Variants in VCAN observed in about 807,000 individuals in gnomAD.
VCAN encodes the protein versican core protein.
In VCAN, 44 loss-of-function variants were observed where a neutral mutation model predicts 245.5. The observed-to-expected ratio is 0.18, with a 90% CI of 0.14 to 0.23. The LOEUF (loss-of-function observed/expected upper bound fraction) is 0.23. VCAN is among the 10% of genes least tolerant of loss of function. The probability of loss-of-function intolerance (pLI) is 1.00; values close to 1 mark genes in which losing one functional copy is unlikely to be tolerated. For missense variants in VCAN, 3,793 were observed against 4,057.9 expected, an observed-to-expected ratio of 0.93 and a Z score of 1.77; for synonymous variants, 1,413 against 1,437.0, an observed-to-expected ratio of 0.98 and a Z score of 0.38.
rs192768983 is a variant in VCAN at position 83,543,675 on chromosome 5, A to T, written c.9265+1407A>T. 2.2e-4 allele frequency among the ~76,000 whole-genome samples: 33 copies of T among 152,334 alleles called. No homozygotes were observed. In the East Asian group the frequency reaches 5.2e-3, roughly 24 times the overall value. ...TTAGTTTAATATACTTCAGTTTGTT[A>T]AAAATATGATGTAAAAATAACTGGT... On this transcript the variant is annotated intron_variant, in intron 8 of 14. Coordinates refer to ENST00000265077, the MANE Select transcript of VCAN (RefSeq NM_004385.5).
chr5:83,563,473 G>A (rs1418552083), intron 12 of VCAN, among the ~76,000 whole-genome samples: 2 of 152,166 alleles, frequency 1.3e-5, no homozygotes, highest in African/African-American at 4.8e-5. Flanking sequence ...AGTCCTCATA[G>A]CCTCTTTTCA....
At chr5:83,516,876 C>A (rs1029791374) in intron 6 of VCAN, among the ~76,000 whole-genome samples, 16 of 152,218 alleles carry the variant, frequency 1.1e-4, no homozygotes, top group African/African-American at 3.9e-4. Context: ...GGCACAAATC[C>A]TCAGATACAC....
intron 10 of VCAN, among the ~76,000 whole-genome samples, chr5:83,548,925 G>A (rs998312598): frequency 6.6e-6 from 1 of 152,198 alleles, no homozygotes; most frequent in Admixed American, 6.5e-5. Context: ...TGCGATGAAT[G>A]CAAATCCAAA....
intron 12 of VCAN, 109 bp from the exon 13 acceptor site, chr5:83,572,307 C>T: frequency 7.4e-7 from 1 of 1,347,966 alleles, no homozygotes; most frequent in South Asian, 1.2e-5. Flanking sequence ...CTATATGAAA[C>T]AACAGAAATT....
chr5:83,479,057 C>T (rs1025164964), intron 1 of VCAN, among the ~76,000 whole-genome samples: 4 of 152,138 alleles, frequency 2.6e-5, no homozygotes, highest in Non-Finnish European at 5.9e-5. Context: ...GATGCTATTA[C>T]TTGTATGAAG....
chr5:83,505,591 G>GT (rs770325037), intron 5 of VCAN, among the ~76,000 whole-genome samples: 1 of 152,176 alleles, frequency 6.6e-6, no homozygotes, highest in Non-Finnish European at 1.5e-5. Context: ...TCATGGGCTA[G>GT]TATTGAGTGT....
chr5:83,532,994 A>G (rs938259071), intron 7 of VCAN, among the ~76,000 whole-genome samples: 1 of 152,158 alleles, frequency 6.6e-6, no homozygotes, highest in African/African-American at 2.4e-5. Context: ...AAAAGATGGT[A>G]TATATGTTAA....
chr5:83,533,765 C>G (rs548662758), intron 7 of VCAN, among the ~76,000 whole-genome samples: 2 of 152,156 alleles, frequency 1.3e-5, no homozygotes, highest in East Asian at 3.9e-4. Context: ...GTGAGAAATT[C>G]TGATATGATA....
In VCAN at chr5:83,538,950, A is replaced by T. The variant is rs145891745; in HGVS notation, c.5947A>T (p.Ile1983Leu). 6.1e-5 allele frequency: 98 copies of T among 1,614,058 alleles called. No individual in the cohort carries two copies. The African/African-American group carries it at 1.3e-3, about 21-fold the overall frequency. The change falls in exon 8 of 15, where the codon ATA becomes TTA. Residue 1983 changes from isoleucine (I) to leucine (L), a missense_variant. This residue lies in a region of VCAN where 3,182 missense variants were observed against 3,250.3 expected (regional missense o/e 0.98). Transcript: ENST00000265077. Reference protein sequence around the residue: ...TVPTSVHISHISDSEGPSSTM... With the variant: ...TVPTSVHISHLSDSEGPSSTM... ...ACCTACTTCAGTTCACATCAGTCAC[A>T]TATCTGACTCAGAAGGACCCAGTAG... is the stretch of plus-strand genomic sequence containing the variant.
At chr5:83,553,804 A>G (rs561132844) in intron 11 of VCAN, among the ~76,000 whole-genome samples, 40 of 152,330 alleles carry the variant, frequency 2.6e-4, no homozygotes, top group Middle Eastern at 3.4e-3. Context: ...TCATTTTTAA[A>G]TATACAAAAA....
In VCAN at chr5:83,519,918, A is replaced by C. The variant is rs1333540347; in HGVS notation, c.1612A>C (p.Thr538Pro). ...ESKTEKKMVS[T>P]VSELVTTGHY... ...CAAAACTGAAAAGAAAATGGTAAGC[A>C]CTGTTTCTGAATTGGTAACCACAGG... is the stretch of plus-strand genomic sequence containing the variant. Residue 538 changes from threonine to proline, a missense_variant, in exon 7 of 15, where the codon ACT (threonine) becomes CCT (proline). Physicochemically the swap from Thr to Pro is conservative, Grantham distance 38 (BLOSUM62 -1). This residue lies in a region of VCAN where 3,182 missense variants were observed against 3,250.3 expected (regional missense o/e 0.98). Transcript: ENST00000265077. The C allele has an allele frequency of 6.2e-7, 1 of 1,614,130 alleles. No homozygotes were observed. The highest frequency in any genetic ancestry group is 1.7e-5 in the Admixed American group (1 of 60,028).
chr5:83,503,069 T>G (rs1279419554), intron 5 of VCAN, among the ~76,000 whole-genome samples: 2 of 152,188 alleles, frequency 1.3e-5, no homozygotes, highest in Non-Finnish European at 2.9e-5. Flanking sequence ...TCTACAAATA[T>G]TAGCCCTTAA....
At chr5:83,570,475 A>T (rs935776233) in intron 12 of VCAN, among the ~76,000 whole-genome samples, 2 of 152,154 alleles carry the variant, frequency 1.3e-5, no homozygotes, top group African/African-American at 4.8e-5. Flanking sequence ...TTTATGAAAG[A>T]TCTAAATTTT....
Position 83,541,092 on chromosome 5 carries a change from C to T in VCAN, c.8089C>T (p.Arg2697Cys), listed in dbSNP as rs146336600. Residue 2697 changes from arginine (R) to cysteine (C), a missense_variant, in exon 8 of 15, where the codon CGT (arginine) becomes TGT (cysteine). By Grantham distance (180) the Arg-to-Cys change is radical (BLOSUM62 -3). Around this residue, in one of 5 missense-constraint regions of VCAN, gnomAD observed 3,182 missense variants for 3,250.3 expected, o/e 0.98. Transcript: ENST00000265077. ...CACGGCAACATCCCTGCCAATTCCT[C>T]GTAAGTCTGCCACAGTTATTCCAGA... is the stretch of plus-strand genomic sequence containing the variant. ...LPTATSLPIP[R>C]KSATVIPEIE... 131 of 1,614,046 alleles carry T rather than the reference C, an allele frequency of 8.1e-5. No homozygotes were observed. Among genetic ancestry groups the T allele is most frequent in the Middle Eastern group, 3.3e-4 (2 of 6,062 alleles).
In VCAN at chr5:83,540,953, A is replaced by T. The variant is rs1207968266; in HGVS notation, c.7950A>T (p.Thr2650=). Residue 2650 remains threonine (T), a synonymous_variant, in exon 8 of 15, where the codon ACA becomes ACT. Coordinates refer to ENST00000265077, the MANE Select transcript of VCAN (RefSeq NM_004385.5). ...TTCTGGCTAGCTACACTCAGGCAAC[A>T]CATGATGAATCAATGACTTATGAAG... The part of the protein sequence containing the change: ...ADVLASYTQA[T]HDESMTYEDR... 1 of 1,614,124 alleles carries T rather than the reference A, an allele frequency of 6.2e-7. No individual in the cohort carries two copies. The highest frequency in any genetic ancestry group is 1.1e-5 in the South Asian group (1 of 91,080).
In VCAN at chr5:83,493,934, A is replaced by G. The variant is rs778720365; in HGVS notation, c.748+3A>G. The stretch of plus-strand genomic sequence containing the variant: ...TTGTTATGTGGATCATCTGGATGGT[A>G]AGATGTTTGAGTTTCTATATCTTCG... On this transcript the variant is annotated splice_donor_region_variant and intron_variant, in intron 5 of 14. Transcript: ENST00000265077. 15 of 1,613,942 alleles carry G rather than the reference A, an allele frequency of 9.3e-6. No individual in the cohort carries two copies. In the African/African-American group the frequency reaches 1.9e-4, roughly 20 times the overall value.
At chr5:83,554,354 A>G (rs1747584494) in intron 11 of VCAN, among the ~76,000 whole-genome samples, 1 of 152,222 alleles carries the variant, frequency 6.6e-6, no homozygotes, top group African/African-American at 2.4e-5. Context: ...GATGCCTACT[A>G]TCGTTTAGAA....
In VCAN at chr5:83,541,770, G is replaced by T. The variant is rs973242073; in HGVS notation, c.8767G>T (p.Val2923Leu). The change falls in exon 8 of 15, where the codon GTG becomes TTG. Residue 2923 changes from valine (V) to leucine (L), a missense_variant. By Grantham distance (32) the Val-to-Leu change is conservative (BLOSUM62 1). Transcript: ENST00000265077. ...MEASPTELIA[V>L]EGTEILQDFQ... ...AGCTTCTCCCACAGAACTTATTGCT[G>T]TGGAAGGAACTGAGATTCTCCAAGA... 1.2e-6 allele frequency: 2 copies of T among 1,613,968 alleles called. No homozygotes were observed. Among genetic ancestry groups the T allele is most frequent in the African/African-American group, 2.7e-5 (2 of 74,912 alleles).
chr5:83,538,550 T>G lies in VCAN; in HGVS notation c.5547T>G (p.Val1849=), dbSNP rs376657103. 5.0e-5 allele frequency: 81 copies of G among 1,613,942 alleles called. No individual in the cohort carries two copies. In the Middle Eastern group the frequency reaches 6.6e-4, roughly 13 times the overall value. ...EAAADPETTT[V]SSFSLNVEYA... is the part of the protein sequence containing the mutation. Reference sequence around the variant, plus strand: ...CTGCCGACCCAGAAACCACCACTGTTTCTTCATTTTCATTAAACGTAGAGT... The same window carrying G: ...CTGCCGACCCAGAAACCACCACTGTGTCTTCATTTTCATTAAACGTAGAGT... Residue 1849 remains valine, a synonymous_variant, in exon 8 of 15, where the codon GTT becomes GTG. Coordinates refer to ENST00000265077, the MANE Select transcript of VCAN (RefSeq NM_004385.5).
Sources: allele counts gnomAD v4.1 joint callset (sites outside exome capture counted in the v4.1 genomes callset), GRCh38; gene constraint gnomAD v4.1.1; regional missense constraint gnomAD v4.1.1; transcripts MANE v1.5; gene names NCBI Gene and HGNC (gene_info 2026-07-23, HGNC 2026-07-21).